The following MYSM1 variants were observed in gnomAD, a reference collection of about 807,000 sequenced individuals.
MYSM1 encodes the protein Myb like, SWIRM and MPN domains 1.
Under a neutral mutation model 116.0 loss-of-function variants are expected in MYSM1, and 51 were observed. The observed-to-expected ratio is 0.44, with a 90% CI of 0.35 to 0.56. The LOEUF (loss-of-function observed/expected upper bound fraction) is 0.56. MYSM1 is among the 20% of genes least tolerant of loss of function. MYSM1 has a pLI of 0.00. For synonymous variants in MYSM1, 313 were observed against 315.2 expected, an observed-to-expected ratio of 0.99 and a Z score of 0.07; for missense variants, 900 against 974.9, an observed-to-expected ratio of 0.92 and a Z score of 1.02.
chr1:58,685,067 C>T (rs1644807868), intron 7 of MYSM1, 86 bp downstream of exon 7: 1 of 1,127,186 alleles, frequency 8.9e-7, no homozygotes, highest in South Asian at 1.7e-5. Flanking sequence ...ACCAGTAAGA[C>T]TTTAATGCCT....
In MYSM1 at chr1:58,659,410, T is replaced by C. The variant is rs1318590165; in HGVS notation, c.*587A>G. 6.6e-6 allele frequency: 1 copy of C among 152,152 alleles called. No individual in the cohort carries two copies. The highest frequency in any genetic ancestry group is 2.4e-5 in the African/African-American group (1 of 41,444). 9.4% of individuals were successfully genotyped at this position (152,152 alleles called of 1,614,324 possible). ...CTATACAATGAAATGGAAGATAGTA[T>C]CTATGATTAGAAACTGGTAATTTAG... On this transcript the variant is annotated 3_prime_UTR_variant, in exon 20 of 20. Coordinates refer to ENST00000472487, the MANE Select transcript of MYSM1 (RefSeq NM_001085487.3).
intron 9 of MYSM1, among the ~76,000 whole-genome samples, chr1:58,676,256 T>C (rs896994612): frequency 8.6e-5 from 13 of 151,780 alleles, no homozygotes; most frequent in Admixed American, 5.3e-4. Context: ...TCTCTACTAA[T>C]CATACAAAAA....
intron 10 of MYSM1, 86 bp downstream of exon 10, chr1:58,675,391 T>G: frequency 3.3e-6 from 3 of 911,664 alleles, no homozygotes; most frequent in Non-Finnish European, 3.4e-6. Context: ...TGGTCATTTA[T>G]TAAACAGCTC....
In MYSM1 at chr1:58,669,857, A is replaced by AAAAAAAAAAAAAAC. The variant is rs1553135842; in HGVS notation, c.1662-820_1662-819insGTTTTTTTTTTTTT. Among the ~76,000 whole-genome samples, 2 of 86,060 alleles carry AAAAAAAAAAAAAAC rather than the reference A, an allele frequency of 2.3e-5. 1 individual carries two copies. 56.5% of individuals were successfully genotyped at this position (86,060 alleles called of 152,430 possible). ...TCTCCAAAAAAAAAAAAAAAAAAAA[A>AAAAAAAAAAAAAAC]AAAAACAAAAAAGTGAAAAAGTAAA... On this transcript the variant is annotated intron_variant, in intron 12 of 19. Coordinates refer to ENST00000472487, the MANE Select transcript of MYSM1 (RefSeq NM_001085487.3).
intron 5 of MYSM1, chr1:58,689,401 A>C (rs991502064): frequency 2.4e-4 from 69 of 283,488 alleles, no homozygotes; most frequent in Non-Finnish European, 3.6e-4. Context: ...ATGTGATAAC[A>C]AACAAATAGG....
chr1:58,686,722 A>G (rs1001726692), intron 6 of MYSM1, among the ~76,000 whole-genome samples: 7 of 152,196 alleles, frequency 4.6e-5, no homozygotes, highest in Admixed American at 1.3e-4. Flanking sequence ...AGACAAATAG[A>G]TAACATTGGT....
intron 8 of MYSM1, among the ~76,000 whole-genome samples, chr1:58,678,179 T>C (rs1272881343): frequency 2.0e-5 from 3 of 152,100 alleles, no homozygotes; most frequent in East Asian, 1.9e-4. Flanking sequence ...TTTAGATAGA[T>C]AGGGTGCTTA....
intron 17 of MYSM1, among the ~76,000 whole-genome samples, chr1:58,663,219 A>T (rs1644420246): frequency 6.6e-6 from 1 of 152,230 alleles, no homozygotes; most frequent in Admixed American, 6.5e-5. Context: ...TTTTCAATCT[A>T]TGCTGATGCA....
intron 1 of MYSM1, among the ~76,000 whole-genome samples, chr1:58,697,779 G>C (rs1216459949): frequency 6.6e-6 from 1 of 151,180 alleles, no homozygotes; most frequent in East Asian, 2.0e-4. Context: ...AGTAGAGACG[G>C]GGTTTCTCCA....
chr1:58,680,139 T>G (rs890895562), intron 8 of MYSM1, among the ~76,000 whole-genome samples: 2 of 152,110 alleles, frequency 1.3e-5, no homozygotes, highest in Non-Finnish European at 2.9e-5. Context: ...CACCCTCTTA[T>G]TTCCAAAAAC....
rs1644332370 is a variant in MYSM1, at chr1:58,657,351, T to C, written c.*2646A>G. On this transcript the variant is annotated 3_prime_UTR_variant, in exon 20 of 20. Transcript: ENST00000472487. ...TCCTTTAGTCCTTTCTCCACTTCTGTAAACATTATTAAAGGCAGGTGTTCC... is the reference window on the plus strand; with the variant it reads ...TCCTTTAGTCCTTTCTCCACTTCTGCAAACATTATTAAAGGCAGGTGTTCC... 1 of 152,142 alleles carries C rather than the reference T, an allele frequency of 6.6e-6. No individual in the cohort carries two copies. 9.4% of individuals were successfully genotyped at this position (152,142 alleles called of 1,614,324 possible). A position where few individuals can be genotyped will look rare whatever the true frequency, so the allele number is the denominator to read the frequency against.
chr1:58,682,331 T>G lies in MYSM1; in HGVS notation c.713A>C (p.Gln238Pro). The stretch of plus-strand genomic sequence containing the variant: ...CAAGAGATCACTGCTAGAATTCTTC[T>G]GGGGTGTTTGAGAAGACAACTCGTC... ...EVDELSSQTP[Q>P]KNSSSDLLLD... Residue 238 changes from glutamine (Q) to proline (P), a missense_variant, in exon 8 of 20, where the codon CAG becomes CCG. Physicochemically the swap from Gln to Pro is moderately conservative, Grantham distance 76 (BLOSUM62 -1). This residue lies in a region of MYSM1 where 622 missense variants were observed against 623.7 expected (regional missense o/e 1.00). Coordinates refer to ENST00000472487, the MANE Select transcript of MYSM1 (RefSeq NM_001085487.3). The G allele has an allele frequency of 6.2e-7, 1 of 1,614,068 alleles. No homozygotes were observed. The highest frequency in any genetic ancestry group is 2.2e-5 in the East Asian group (1 of 44,872).
intron 10 of MYSM1, among the ~76,000 whole-genome samples, chr1:58,674,450 C>T (rs1349481109): frequency 2.0e-5 from 3 of 152,098 alleles, no homozygotes; most frequent in Non-Finnish European, 4.4e-5. Context: ...AGCACCATAT[C>T]CAGCAACTCT....
rs1422385501 is a variant in MYSM1, at chr1:58,659,407, GT to G, written c.*589del. 6.6e-6 allele frequency: 1 copy of G among 152,126 alleles called. No homozygotes were observed. The allele number at this position is 152,126 out of a possible 1,614,324, so 9.4% of individuals were successfully genotyped here. On this transcript the variant is annotated 3_prime_UTR_variant, in exon 20 of 20. Transcript: ENST00000472487. ...CTGCTATACAATGAAATGGAAGATA[GT>G]ATCTATGATTAGAAACTGGTAATTT...
Position 58,661,460 on chromosome 1 carries a change from C to A in MYSM1, c.2216G>T (p.Gly739Val), listed in dbSNP as rs781554516. The A allele has an allele frequency of 6.2e-5, 99 of 1,609,394 alleles. No homozygotes were observed. Among genetic ancestry groups the A allele is most frequent in the Non-Finnish European group, 8.2e-5 (97 of 1,176,066 alleles). ...CCATCTTGTCTTTTCAAATACTAAT[C>A]CCCACTGAGGTTCTTCTAACATCTG... ...VQQMLEEPQW[G>V]LVFEKTRWII... Residue 739 changes from glycine (G) to valine (V), a missense_variant, in exon 18 of 20, where the codon GGA (glycine) becomes GTA (valine). By Grantham distance (109) the Gly-to-Val change is moderately radical. Transcript: ENST00000472487.
rs1390697427 is a variant in MYSM1 at position 58,682,619 on chromosome 1, GATAA to G, written c.499-78_499-75del. 37 of 1,332,542 alleles carry G rather than the reference GATAA, an allele frequency of 2.8e-5. No individual in the cohort carries two copies. In the East Asian group the frequency reaches 3.8e-4, roughly 14 times the overall value. 82.5% of individuals were successfully genotyped at this position (1,332,542 alleles called of 1,614,324 possible). ...TTAATCACTGGTACACACAAAAAAGGATAAATATACAGTGTTATTAAACTGAATA... is the reference window on the plus strand; with the variant it reads ...TTAATCACTGGTACACACAAAAAAGGATATACAGTGTTATTAAACTGAATA... On this transcript the variant is annotated intron_variant, in intron 7 of 19. Transcript: ENST00000472487.
At chr1:58,685,729 A>C (rs898486765) in intron 6 of MYSM1, among the ~76,000 whole-genome samples, 1 of 152,198 alleles carries the variant, frequency 6.6e-6, no homozygotes, top group Non-Finnish European at 1.5e-5. Flanking sequence ...ACTCTATCAG[A>C]TATCACAGTG....
intron 1 of MYSM1, among the ~76,000 whole-genome samples, chr1:58,698,022 G>A (rs1460060908): frequency 6.9e-6 from 1 of 145,238 alleles, no homozygotes; most frequent in Non-Finnish European, 1.5e-5. Flanking sequence ...ACTTCAGAGA[G>A]TACCATCACA....
intron 19 of MYSM1, 133 bp downstream of exon 19, chr1:58,661,037 C>T: frequency 1.5e-6 from 1 of 666,312 alleles, no homozygotes; most frequent in South Asian, 2.1e-5. Flanking sequence ...AATTAATTTT[C>T]CAAAGGAAAA....
Sources: gnomAD v4.1 joint callset for allele counts (sites outside exome capture counted in the v4.1 genomes callset) on GRCh38, gnomAD v4.1.1 for gene constraint, gnomAD v4.1.1 regional missense constraint, MANE v1.5 for transcripts, NCBI Gene and HGNC (gene_info 2026-07-23, HGNC 2026-07-21) for gene names.